The following BUD31 variants were observed in gnomAD, a reference collection of about 807,000 sequenced individuals.
The protein encoded by BUD31 is protein BUD31 homolog.
In BUD31, 9 loss-of-function variants were observed where a neutral mutation model predicts 17.9. That is an observed-to-expected ratio of 0.50 (90% CI 0.30 to 0.88). The LOEUF is 0.88. Among genes scored for constraint, BUD31 ranks in the 40% least tolerant of loss-of-function variants. BUD31 has a pLI of 0.06. For synonymous variants in BUD31, 70 were observed against 64.7 expected (o/e 1.08, Z -0.39); for missense variants, 148 against 184.5 (o/e 0.80, Z 1.15).
At chr7:99,415,140 A>G in intron 3 of BUD31, 1 of 447,890 alleles carries the variant, frequency 2.2e-6, no homozygotes, top group Non-Finnish European at 4.5e-6. Flanking sequence ...GATAAAAGAC[A>G]GCTGAGCCTG....
At chr7:99,415,199 T>A (rs1795355247) in intron 3 of BUD31, 1 of 453,472 alleles carries the variant, frequency 2.2e-6, no homozygotes, top group South Asian at 1.6e-5. Context: ...AATGCCAGGC[T>A]GCACTGATAT....
At chr7:99,417,820 G>A in intron 5 of BUD31, 1 of 1,494,142 alleles carries the variant, frequency 6.7e-7, no homozygotes, top group Non-Finnish European at 8.9e-7. Context: ...TCCACTTTTG[G>A]GCAAATTACT....
intron 5 of BUD31, chr7:99,419,138 G>T: frequency 1.8e-6 from 1 of 546,624 alleles, no homozygotes; most frequent in Non-Finnish European, 3.3e-6. Context: ...TTTCTTGATT[G>T]GCAAACGTGT....
chr7:99,409,245 G>C lies in BUD31; in HGVS notation c.-166G>C, dbSNP rs910958610. The C allele has an allele frequency of 3.3e-5, 5 of 152,406 alleles. No individual in the cohort carries two copies. The highest frequency in any genetic ancestry group is 1.2e-4 in the African/African-American group (5 of 41,564). 9.4% of individuals were successfully genotyped at this position (152,406 alleles called of 1,614,324 possible). On this transcript the variant is annotated splice_region_variant and 5_prime_UTR_variant, in exon 1 of 6. Transcript: ENST00000222969. The stretch of plus-strand genomic sequence containing the variant: ...CTAGGATTCTCGCGCCGTTTCCTCT[G>C]GTAGGAACGTCTTCTGTGTTCTGAT...
chr7:99,413,849 CCAAAAGTG>C (rs1795281065), intron 3 of BUD31, among the ~76,000 whole-genome samples: 1 of 152,232 alleles, frequency 6.6e-6, no homozygotes, highest in African/African-American at 2.4e-5. Context: ...ACCTCGGCCT[CCAAAAGTG>C]CTGGGATTAC....
In BUD31 at chr7:99,411,098, T is replaced by A; in HGVS notation, c.6T>A (p.Pro2=). Residue 2 remains proline (P), a synonymous_variant, in exon 3 of 6, where the codon CCT becomes CCA. Transcript: ENST00000222969. ...GATTATCCTGTGGAAGGAAAATGCCTAAAGTCAAAAGAAGCCGGAAAGCAC... is the reference window on the plus strand; with the variant it reads ...GATTATCCTGTGGAAGGAAAATGCCAAAAGTCAAAAGAAGCCGGAAAGCAC... The part of the protein sequence containing the change: M[P]KVKRSRKAPP... 1 of 1,613,988 alleles carries A rather than the reference T, an allele frequency of 6.2e-7. No individual in the cohort carries two copies. Among genetic ancestry groups the A allele is most frequent in the Non-Finnish European group, 8.5e-7 (1 of 1,179,944 alleles).
intron 4 of BUD31, 41 bp downstream of exon 4, chr7:99,416,301 CTT>C (rs1795453563): frequency 6.3e-7 from 1 of 1,595,770 alleles, no homozygotes; most frequent in Non-Finnish European, 8.6e-7. Context: ...GCTCGCGTCA[CTT>C]TTGGAGTTAC....
chr7:99,413,216 G>A (rs1166699912), intron 3 of BUD31, among the ~76,000 whole-genome samples: 4 of 152,086 alleles, frequency 2.6e-5, no homozygotes, highest in Non-Finnish European at 4.4e-5. Flanking sequence ...TGGAGACAGG[G>A]AGGGATAGTC....
chr7:99,412,132 T>TA (rs1562829696), intron 3 of BUD31: 1 of 158,912 alleles, frequency 6.3e-6, no homozygotes, highest in Non-Finnish European at 1.4e-5. Flanking sequence ...TGCCCCTTTT[T>TA]AAAAAAACTG....
chr7:99,412,017 T>C (rs2150920155), intron 3 of BUD31: 1 of 183,714 alleles, frequency 5.4e-6, no homozygotes, highest in South Asian at 8.2e-5. Flanking sequence ...AAGTTACTTT[T>C]TAAAGTAGCT....
At chr7:99,413,303 TGAGA>T (rs946848496) in intron 3 of BUD31, among the ~76,000 whole-genome samples, 1 of 152,150 alleles carries the variant, frequency 6.6e-6, no homozygotes. Flanking sequence ...TTGTGACTGC[TGAGA>T]GAGAGAGAAC....
rs867824622 is a variant in BUD31 at position 99,417,711 on chromosome 7, C to T, written c.384+116C>T. ...GGAATGTCGTTTTGTCCCTGGATGT[C>T]CTGCTGGCTCTCCCTCGTGGGAGTG... On this transcript the variant is annotated intron_variant, in intron 5 of 5. Coordinates refer to ENST00000222969, the MANE Select transcript of BUD31 (RefSeq NM_003910.4). 9.1e-6 allele frequency: 14 copies of T among 1,543,038 alleles called. No individual in the cohort carries two copies. The Middle Eastern group carries it at 1.8e-3, about 202-fold the overall frequency.
At position 99,417,331 on chromosome 7, in the gene BUD31, G is replaced by A. The variant is rs527610658; in HGVS notation, c.218-98G>A. 18 of 1,254,130 alleles carry A rather than the reference G, an allele frequency of 1.4e-5. No homozygotes were observed. In the East Asian group the frequency reaches 3.3e-4, roughly 23 times the overall value. 77.7% of individuals were successfully genotyped at this position (1,254,130 alleles called of 1,614,324 possible). A position where few individuals can be genotyped will look rare whatever the true frequency, so the allele number is the denominator to read the frequency against. On this transcript the variant is annotated intron_variant, in intron 4 of 5. Transcript: ENST00000222969. The stretch of plus-strand genomic sequence containing the variant: ...GCCTCCCAAAGTGCTGGGATTACAG[G>A]TGTGAGCCACTGCACCCGGCCTGAA...
Position 99,409,020 on chromosome 7 carries a change from C to G in BUD31, c.-391C>G, listed in dbSNP as rs1214949496. ...GGAGCTTCCGGTATGTGTTTTCCCT[C>G]TGTTCTCGATTACCTTGGCAACGGC... On this transcript the variant is annotated 5_prime_UTR_variant, in exon 1 of 6. Coordinates refer to ENST00000222969, the MANE Select transcript of BUD31 (RefSeq NM_003910.4). The G allele has an allele frequency of 6.5e-6, 1 of 153,414 alleles. No homozygotes were observed. The highest frequency in any genetic ancestry group is 1.5e-5 in the Non-Finnish European group (1 of 68,858). 9.5% of individuals were successfully genotyped at this position (153,414 alleles called of 1,614,324 possible).
chr7:99,415,121 A>G, intron 3 of BUD31: 1 of 436,656 alleles, frequency 2.3e-6, no homozygotes, highest in South Asian at 1.6e-5. Flanking sequence ...TAAAGACACA[A>G]GACAAAGAGA....
chr7:99,413,841 C>T (rs186892713), intron 3 of BUD31, among the ~76,000 whole-genome samples: 2 of 152,378 alleles, frequency 1.3e-5, no homozygotes, highest in African/African-American at 4.8e-5. Context: ...ATCCACCCAC[C>T]TCGGCCTCCA....
rs1562833314 is a variant in BUD31, at chr7:99,417,444, G to GT, written c.234dup (p.Ile79TyrfsTer2). 1 of 1,613,928 alleles carries GT rather than the reference G, an allele frequency of 6.2e-7. No individual in the cohort carries two copies. Among genetic ancestry groups the GT allele is most frequent in the Admixed American group, 1.7e-5 (1 of 59,970 alleles). ...TTTTTGACAGAACTCTATGAATATT[G>GT]TATTAAAGAAGGCTATGCAGACAAA... On this transcript the variant is annotated frameshift_variant, in exon 5 of 6. Coordinates refer to ENST00000222969, the MANE Select transcript of BUD31 (RefSeq NM_003910.4). LOFTEE classifies it high-confidence loss of function.
intron 3 of BUD31, chr7:99,411,946 T>C (rs975769283): frequency 3.3e-5 from 10 of 307,112 alleles, no homozygotes; most frequent in South Asian, 2.5e-4. Context: ...CCTCAAGTGA[T>C]CCACCCACCT....
chr7:99,412,674 C>T (rs1327118991), intron 3 of BUD31, among the ~76,000 whole-genome samples: 5 of 151,170 alleles, frequency 3.3e-5, no homozygotes, highest in Non-Finnish European at 7.4e-5. Flanking sequence ...TGCAGTGGCG[C>T]GATCTCCGCT....
Sources: gnomAD v4.1 joint callset for allele counts (sites outside exome capture counted in the v4.1 genomes callset) on GRCh38, gnomAD v4.1.1 for gene constraint, MANE v1.5 for transcripts, NCBI Gene and HGNC (gene_info 2026-07-23, HGNC 2026-07-21) for gene names.